Variants in CLIP4 observed in about 807,000 individuals in gnomAD.
The protein encoded by CLIP4 is CAP-Gly domain containing linker protein family member 4.
Under a neutral mutation model 73.1 loss-of-function variants are expected in CLIP4, and 47 were observed. The observed-to-expected ratio is 0.64, with a 90% CI of 0.51 to 0.82. The LOEUF is 0.82. Ranked by LOEUF, CLIP4 falls within the 40% of genes least tolerant of loss-of-function variation. CLIP4 has a pLI of 0.00. For missense variants in CLIP4, 874 were observed against 852.9 expected, an observed-to-expected ratio of 1.02 and a Z score of -0.31; for synonymous variants, 306 against 295.4, an observed-to-expected ratio of 1.04 and a Z score of -0.37.
At chr2:29,172,739 C>G (rs1668091705) in intron 14 of CLIP4, among the ~76,000 whole-genome samples, 1 of 152,062 alleles carries the variant, frequency 6.6e-6, no homozygotes, top group Non-Finnish European at 1.5e-5. Context: ...CATGCGCTCT[C>G]ATATTTCTCA....
intron 6 of CLIP4, among the ~76,000 whole-genome samples, chr2:29,140,599 A>G (rs961602271): frequency 1.3e-5 from 2 of 152,190 alleles, no homozygotes; most frequent in African/African-American, 4.8e-5. Flanking sequence ...ATACCCATTA[A>G]TGGGATGGCT....
intron 5 of CLIP4, among the ~76,000 whole-genome samples, chr2:29,134,171 G>A (rs55658276): frequency 0.22 from 33,776 of 151,892 alleles, 4,178 homozygotes; most frequent in African/African-American, 0.33. Context: ...TCAGAGATTG[G>A]AATAATAAAT....
intron 3 of CLIP4, chr2:29,131,818 G>A (rs1664991491): frequency 3.4e-6 from 1 of 292,968 alleles, no homozygotes; most frequent in African/African-American, 2.2e-5. Flanking sequence ...ATGTTGCTGT[G>A]TTGTAGGAAG....
chr2:29,167,418 C>G (rs1243818363), intron 13 of CLIP4, 58 bp from the exon 14 acceptor site: 2 of 1,203,380 alleles, frequency 1.7e-6, no homozygotes, highest in East Asian at 5.0e-5. Flanking sequence ...AGTTGATAAC[C>G]AGTCTTAAAC....
intron 2 of CLIP4, chr2:29,130,733 G>A (rs1664913290): frequency 8.0e-7 from 1 of 1,242,722 alleles, no homozygotes; most frequent in South Asian, 1.4e-5. Flanking sequence ...TTAGTTTGGT[G>A]CCTCTCATCT....
chr2:29,146,231 C>G (rs1341739475), intron 8 of CLIP4, among the ~76,000 whole-genome samples: 1 of 152,122 alleles, frequency 6.6e-6, no homozygotes, highest in Non-Finnish European at 1.5e-5. Flanking sequence ...AGGCCTCTGA[C>G]CAGGGGCACG....
At chr2:29,101,362 T>C (rs1284551380) in intron 1 of CLIP4, among the ~76,000 whole-genome samples, 1 of 149,706 alleles carries the variant, frequency 6.7e-6, no homozygotes, top group Admixed American at 6.6e-5. Context: ...AGTCTGTAGC[T>C]GAAGGCCCAA....
Position 29,176,186 on chromosome 2 carries a change from G to A in CLIP4, c.1796+1741G>A, listed in dbSNP as rs184850220. Among the ~76,000 whole-genome samples, 4 of 152,340 alleles carry A rather than the reference G, an allele frequency of 2.6e-5. No homozygotes were observed. In the East Asian group the frequency reaches 7.7e-4, roughly 29 times the overall value. On this transcript the variant is annotated intron_variant, in intron 15 of 15. Coordinates refer to ENST00000320081, the MANE Select transcript of CLIP4 (RefSeq NM_024692.6). ...GGTGCTGGCAGGCACTAGGACATTT[G>A]TCCCTGCTCTTAGGGGTGAGGGAGA... is the stretch of plus-strand genomic sequence containing the variant.
At chr2:29,173,817 A>T (rs1668164284) in intron 14 of CLIP4, among the ~76,000 whole-genome samples, 1 of 152,148 alleles carries the variant, frequency 6.6e-6, no homozygotes, top group Non-Finnish European at 1.5e-5. Flanking sequence ...CAACAATCAA[A>T]AGCTCTGAAG....
Position 29,121,403 on chromosome 2 carries a change from C to T in CLIP4, c.15C>T (p.Asp5=). 1 of 1,613,100 alleles carries T rather than the reference C, an allele frequency of 6.2e-7. No homozygotes were observed. The highest frequency in any genetic ancestry group is 1.1e-5 in the South Asian group (1 of 90,948). Residue 5 remains aspartate, a synonymous_variant, in exon 2 of 16, where the codon GAC becomes GAT. Coordinates refer to ENST00000320081, the MANE Select transcript of CLIP4 (RefSeq NM_024692.6). MTIE[D]LPDFPLEGNP... Reference sequence around the variant, plus strand: ...CTTTCTAGAAGATGACCATAGAGGACCTTCCAGATTTTCCATTAGAAGGAA... The same window carrying T: ...CTTTCTAGAAGATGACCATAGAGGATCTTCCAGATTTTCCATTAGAAGGAA...
intron 2 of CLIP4, among the ~76,000 whole-genome samples, chr2:29,129,760 C>T (rs1238560903): frequency 2.0e-5 from 3 of 152,120 alleles, no homozygotes; most frequent in African/African-American, 7.2e-5. Flanking sequence ...TAGGATACTC[C>T]TCCTTCAAGG....
intron 1 of CLIP4, among the ~76,000 whole-genome samples, chr2:29,100,582 A>G (rs1668014452): frequency 6.6e-6 from 1 of 151,994 alleles, no homozygotes; most frequent in Non-Finnish European, 1.5e-5. Flanking sequence ...TCCACTGAGA[A>G]GGCAGGAAAA....
chr2:29,107,159 AC>A (rs1668230927), intron 1 of CLIP4, among the ~76,000 whole-genome samples: 1 of 151,972 alleles, frequency 6.6e-6, no homozygotes, highest in Non-Finnish European at 1.5e-5. Context: ...CATTTTCTCA[AC>A]CCCTAATCAA....
At chr2:29,148,325 T>A (rs553577576) in intron 8 of CLIP4, among the ~76,000 whole-genome samples, 21 of 152,368 alleles carry the variant, frequency 1.4e-4, no homozygotes, top group African/African-American at 4.8e-4. Flanking sequence ...TGGCTTGTTG[T>A]GCTGCTTTTA....
intron 2 of CLIP4, among the ~76,000 whole-genome samples, chr2:29,128,864 A>G (rs1172438649): frequency 3.3e-5 from 5 of 152,134 alleles, no homozygotes; most frequent in Admixed American, 6.5e-5. Flanking sequence ...AAATCTATGT[A>G]AATACACCAT....
At chr2:29,145,454 C>A in intron 8 of CLIP4, 87 bp downstream of exon 8, 1 of 1,134,410 alleles carries the variant, frequency 8.8e-7, no homozygotes, top group South Asian at 1.7e-5. Context: ...AAACTTTTCT[C>A]CTGATTTCTT....
chr2:29,107,367 T>TTTTTTTTTTTTTTTTTTTTTTTTTTTG (rs1668247969), intron 1 of CLIP4, among the ~76,000 whole-genome samples: 1 of 111,172 alleles, frequency 9.0e-6, no homozygotes, highest in African/African-American at 3.7e-5. Context: ...AGTTTTTTTT[T>TTTTTTTTTTTTTTTTTTTTTTTTTTTG]TTTTTTTTTT....
chr2:29,158,450 A>G (rs1180503450), intron 11 of CLIP4, among the ~76,000 whole-genome samples: 1 of 152,126 alleles, frequency 6.6e-6, no homozygotes, highest in Non-Finnish European at 1.5e-5. Flanking sequence ...TTTGAGGGTT[A>G]TGTCGACTTA....
chr2:29,135,649 G>A lies in CLIP4; in HGVS notation c.631G>A (p.Ala211Thr), dbSNP rs1001775106. 2.0e-5 allele frequency: 32 copies of A among 1,605,664 alleles called. No individual in the cohort carries two copies. The highest frequency in any genetic ancestry group is 2.5e-5 in the Non-Finnish European group (29 of 1,175,558). Residue 211 changes from alanine to threonine, a missense_variant, in exon 6 of 16, where the codon GCA becomes ACA. Transcript: ENST00000320081. ...TGTGAAGTGCCTCTTGGAGCAGGGA[G>A]CAAATCCTGCATTTAGGGTAAGAGG... is the stretch of plus-strand genomic sequence containing the variant. ...GAVKCLLEQG[A>T]NPAFRNDKGQ... is the part of the protein sequence containing the mutation.
Sources: gnomAD v4.1 joint callset for allele counts (sites outside exome capture counted in the v4.1 genomes callset) on GRCh38, gnomAD v4.1.1 for gene constraint, MANE v1.5 for transcripts, NCBI Gene and HGNC (gene_info 2026-07-23, HGNC 2026-07-21) for gene names.